Variants in AFG2B observed in about 807,000 individuals in gnomAD.
AFG2B encodes the protein ATPase family gene 2 protein homolog B.
the AFG2B span, among the ~76,000 whole-genome samples, chr15:45,419,997 CAAAAAAAAA>C: frequency 1.9e-5 from 1 of 53,700 alleles, no homozygotes; most frequent in South Asian, 7.4e-4. Context: ...CCCCCCCCCC[CAAAAAAAAA>C]AAAAAAAACA....
At chr15:45,408,716 C>A in the AFG2B span, among the ~76,000 whole-genome samples, 1 of 152,274 alleles carries the variant, frequency 6.6e-6, no homozygotes, top group Non-Finnish European at 1.5e-5. Flanking sequence ...TTTGAGATAT[C>A]CTGCTCCTCA....
the AFG2B span, chr15:45,403,062 G>A: frequency 6.5e-7 from 1 of 1,542,112 alleles, no homozygotes; most frequent in Middle Eastern, 1.8e-4. Context: ...CGGCCGACTC[G>A]CTGCGGGAGC....
the AFG2B span, chr15:45,416,772 C>T: frequency 6.5e-6 from 1 of 152,904 alleles, no homozygotes; most frequent in Non-Finnish European, 1.5e-5. Flanking sequence ...TGCTTTTAGA[C>T]ATTTCTTTAT....
chr15:45,410,639 T>TAG, the AFG2B span: 4 of 995,398 alleles, frequency 4.0e-6, no homozygotes, highest in African/African-American at 1.7e-5. Flanking sequence ...ATCACTAATG[T>TAG]GATCCTAACA....
chr15:45,412,157 C>CT, the AFG2B span, among the ~76,000 whole-genome samples: 1 of 152,066 alleles, frequency 6.6e-6, no homozygotes, highest in African/African-American at 2.4e-5. Context: ...AATCCCAGCA[C>CT]TTTGGGAGGC....
At chr15:45,406,327 G>A in the AFG2B span, among the ~76,000 whole-genome samples, 2 of 152,280 alleles carry the variant, frequency 1.3e-5, no homozygotes, top group Non-Finnish European at 2.9e-5. Flanking sequence ...CACATGATAT[G>A]TTTCTGTTCT....
chr15:45,421,321 ATAAAAC>A, the AFG2B span: 1 of 748,018 alleles, frequency 1.3e-6, no homozygotes, highest in East Asian at 3.2e-5. Context: ...AAGTGAATAA[ATAAAAC>A]AAAACAAAAC....
chr15:45,418,425 T>TA, the AFG2B span: 1 of 733,796 alleles, frequency 1.4e-6, no homozygotes, highest in South Asian at 3.3e-5. Context: ...ATTGATGACT[T>TA]AGTCTTTCTA....
the AFG2B span, among the ~76,000 whole-genome samples, chr15:45,412,628 A>AT: frequency 1.3e-5 from 2 of 152,032 alleles, no homozygotes; most frequent in African/African-American, 4.8e-5. Context: ...TATTCTTTTG[A>AT]TTTTTTTTCA....
the AFG2B span, chr15:45,402,675 G>A: frequency 6.3e-7 from 1 of 1,576,454 alleles, no homozygotes; most frequent in Non-Finnish European, 8.6e-7. Context: ...CGAGCCCCGG[G>A]GCGGCGGTCG....
the AFG2B span, chr15:45,403,372 C>A: frequency 4.3e-6 from 7 of 1,610,418 alleles, no homozygotes; most frequent in Admixed American, 3.3e-5. Flanking sequence ...GCGGGGCAGT[C>A]GAGCACCCGA....
At chr15:45,421,334 A>G in the AFG2B span, 1 of 636,224 alleles carries the variant, frequency 1.6e-6, no homozygotes, top group African/African-American at 1.9e-5. Context: ...AAACAAAACA[A>G]AACAAAAAAA....
the AFG2B span, chr15:45,417,084 T>G: frequency 5.0e-6 from 3 of 596,110 alleles, no homozygotes; most frequent in Non-Finnish European, 8.5e-6. Context: ...AGTAGCTCTT[T>G]GGTTAATGAT....
chr15:45,417,733 G>A, the AFG2B span: 24,617 of 193,598 alleles, frequency 0.13, 6,020 homozygotes, highest in African/African-American at 0.52. Flanking sequence ...CAGTGCAGAA[G>A]TCTGAAATTA....
chr15:45,420,541 C>T, the AFG2B span, among the ~76,000 whole-genome samples: 2 of 151,896 alleles, frequency 1.3e-5, no homozygotes, highest in African/African-American at 4.8e-5. Context: ...TTCTTTTTTC[C>T]CATTAATGTA....
the AFG2B span, among the ~76,000 whole-genome samples, chr15:45,410,896 A>G: frequency 2.7e-4 from 41 of 151,976 alleles, no homozygotes; most frequent in East Asian, 7.0e-3. Context: ...TCGCTATTTA[A>G]AAAAAAATAA....
chr15:45,414,516 A>T, the AFG2B span: 14 of 1,512,228 alleles, frequency 9.3e-6, no homozygotes, highest in Non-Finnish European at 1.2e-5. Flanking sequence ...TTACTGGATG[A>T]TATGACATTT....
the AFG2B span, chr15:45,415,916 A>C: frequency 2.4e-6 from 2 of 844,896 alleles, no homozygotes; most frequent in Non-Finnish European, 3.4e-6. Flanking sequence ...GGATTTATAT[A>C]ATTTCAGTTT....
chr15:45,417,192 G>C, the AFG2B span: 2 of 1,537,010 alleles, frequency 1.3e-6, no homozygotes, highest in Admixed American at 1.9e-5. Flanking sequence ...AATTTAAATA[G>C]ACCTTCTGAT....
Sources: gnomAD v4.1 joint callset for allele counts (sites outside exome capture counted in the v4.1 genomes callset) on GRCh38, gnomAD v4.1.1 for gene constraint, MANE v1.5 for transcripts, NCBI Gene and HGNC (gene_info 2026-07-23, HGNC 2026-07-21) for gene names.